The following RTF2 variants were observed in gnomAD, a reference collection of about 807,000 sequenced individuals.
The protein encoded by RTF2 is UPF0549 protein C20orf43.
RTF2 carries 18 observed loss-of-function variants against 38.0 expected under a neutral mutation model. The ratio of observed to expected loss-of-function variants is 0.47; its 90% confidence interval spans 0.33 to 0.70. RTF2 has a LOEUF of 0.70. RTF2 is among the 30% of genes least tolerant of loss of function. The probability of loss-of-function intolerance (pLI) is 0.02; values close to 1 mark genes in which losing one functional copy is unlikely to be tolerated. For missense variants in RTF2, 311 were observed against 379.6 expected, an observed-to-expected ratio of 0.82 and a Z score of 1.50; for synonymous variants, 126 against 137.1, an observed-to-expected ratio of 0.92 and a Z score of 0.57.
At chr20:56,499,097 G>A (rs755613234) in intron 5 of RTF2, among the ~76,000 whole-genome samples, 10 of 152,044 alleles carry the variant, frequency 6.6e-5, no homozygotes, top group Non-Finnish European at 1.2e-4. Context: ...ATGTCAGGCC[G>A]CAGTGTGTTC....
At chr20:56,475,745 G>T (rs1383996689) in intron 3 of RTF2, among the ~76,000 whole-genome samples, 1 of 150,730 alleles carries the variant, frequency 6.6e-6, no homozygotes, top group Non-Finnish European at 1.5e-5. Flanking sequence ...CCCATCTGAT[G>T]AGAAAAAAAA....
At chr20:56,510,808 C>T (rs576859567) in intron 5 of RTF2, among the ~76,000 whole-genome samples, 3 of 152,244 alleles carry the variant, frequency 2.0e-5, no homozygotes, top group Admixed American at 1.3e-4. Context: ...GGCATGGTGG[C>T]GCACACCTAT....
intron 5 of RTF2, among the ~76,000 whole-genome samples, chr20:56,509,334 TG>T (rs1984486186): frequency 1.3e-5 from 2 of 152,018 alleles, no homozygotes; most frequent in Non-Finnish European, 2.9e-5. Context: ...AAAGGAAAAA[TG>T]GGCTGGTTGC....
At chr20:56,505,844 G>A (rs972083211) in intron 5 of RTF2, among the ~76,000 whole-genome samples, 1 of 152,066 alleles carries the variant, frequency 6.6e-6, no homozygotes, top group African/African-American at 2.4e-5. Flanking sequence ...TATACAGATT[G>A]ACTAAAACAT....
At chr20:56,476,009 G>A (rs1321909700) in intron 3 of RTF2, among the ~76,000 whole-genome samples, 1 of 152,198 alleles carries the variant, frequency 6.6e-6, no homozygotes, top group Admixed American at 6.5e-5. Context: ...ATGGTGATTT[G>A]CCTTTCAAGA....
chr20:56,494,017 C>T (rs1983345074), intron 5 of RTF2, among the ~76,000 whole-genome samples: 1 of 152,126 alleles, frequency 6.6e-6, no homozygotes, highest in Admixed American at 6.5e-5. Context: ...CTTACCTGAG[C>T]CTTGGGTTCC....
In RTF2 at chr20:56,494,557, T is replaced by G. The variant is rs140232253; in HGVS notation, c.477+10368T>G. ...AGCTCTTGTTAACCTGTTGTTTACC[T>G]GTCACCTTTCTACCATGTGAATGGA... On this transcript the variant is annotated intron_variant, in intron 5 of 8. Coordinates refer to ENST00000357348, the MANE Select transcript of RTF2 (RefSeq NM_016407.5). 4.0e-3 allele frequency among the ~76,000 whole-genome samples: 613 copies of G among 152,322 alleles called. 4 individuals are homozygous for G. Among genetic ancestry groups the G allele is most frequent in the African/African-American group, 0.014 (580 of 41,562 alleles).
chr20:56,518,442 G>C lies in RTF2; in HGVS notation c.*177G>C, dbSNP rs940093908. The C allele has an allele frequency of 1.7e-6, 1 of 578,308 alleles. No homozygotes were observed. The highest frequency in any genetic ancestry group is 3.5e-5 in the Admixed American group (1 of 28,374). The allele number at this position is 578,308 out of a possible 1,614,324, so 35.8% of individuals were successfully genotyped here. ...CTTGATGTGAGGCGTGTCGGTTCCA[G>C]GGGGGACATGGGAGGGGCTGCACAG... On this transcript the variant is annotated 3_prime_UTR_variant, in exon 9 of 9. Coordinates refer to ENST00000357348, the MANE Select transcript of RTF2 (RefSeq NM_016407.5).
chr20:56,497,312 G>A (rs751147978), intron 5 of RTF2: 3 of 1,550,664 alleles, frequency 1.9e-6, no homozygotes, highest in East Asian at 2.4e-5. Flanking sequence ...ACAGGGGTCT[G>A]GTTATGAAAT....
At chr20:56,483,074 G>A (rs1457332613) in intron 4 of RTF2, among the ~76,000 whole-genome samples, 3 of 152,168 alleles carry the variant, frequency 2.0e-5, no homozygotes, top group African/African-American at 7.2e-5. Flanking sequence ...CCGTTTGGGT[G>A]TTTATAATTT....
chr20:56,509,106 G>A (rs1984469323), intron 5 of RTF2, among the ~76,000 whole-genome samples: 1 of 152,150 alleles, frequency 6.6e-6, no homozygotes, highest in Admixed American at 6.5e-5. Flanking sequence ...CTTATATCCA[G>A]AATATGCTGT....
intron 5 of RTF2, among the ~76,000 whole-genome samples, chr20:56,506,202 C>T (rs1218370695): frequency 1.3e-5 from 2 of 152,142 alleles, no homozygotes; most frequent in Non-Finnish European, 2.9e-5. Flanking sequence ...CTCCTCCCGC[C>T]ATGGAACATG....
intron 5 of RTF2, among the ~76,000 whole-genome samples, chr20:56,508,220 T>G (rs1023590197): frequency 4.6e-5 from 7 of 152,222 alleles, no homozygotes; most frequent in African/African-American, 1.7e-4. Flanking sequence ...AGGCAGGGGC[T>G]GAGGAGAGTC....
intron 5 of RTF2, among the ~76,000 whole-genome samples, chr20:56,506,587 G>A (rs1462717018): frequency 6.6e-6 from 1 of 151,984 alleles, no homozygotes; most frequent in Non-Finnish European, 1.5e-5. Flanking sequence ...GCATCCAGAG[G>A]GCATATGAAT....
At chr20:56,508,645 A>G (rs1286433730) in intron 5 of RTF2, among the ~76,000 whole-genome samples, 1 of 152,206 alleles carries the variant, frequency 6.6e-6, no homozygotes, top group Non-Finnish European at 1.5e-5. Flanking sequence ...ACACTAATCA[A>G]GATAGTGTGG....
In RTF2 at chr20:56,508,357, G is replaced by A. The variant is rs138073643; in HGVS notation, c.478-4958G>A. On this transcript the variant is annotated intron_variant, in intron 5 of 8. Coordinates refer to ENST00000357348, the MANE Select transcript of RTF2 (RefSeq NM_016407.5). ...TAATGTTTTCTACAAAAGAGATTCC[G>A]GGCATAGTATGTCTGTTATTGCTCT... 2.6e-5 allele frequency among the ~76,000 whole-genome samples: 4 copies of A among 152,226 alleles called. No individual in the cohort carries two copies. The South Asian group carries it at 6.2e-4, about 24-fold the overall frequency.
chr20:56,483,749 G>T (rs567334710), intron 4 of RTF2, among the ~76,000 whole-genome samples: 17 of 152,300 alleles, frequency 1.1e-4, no homozygotes, highest in African/African-American at 4.1e-4. Context: ...TGTACGAACT[G>T]CATGTTAGTC....
intron 6 of RTF2, chr20:56,513,951 A>AGGCCTGGGTG (rs200053912): frequency 0.011 from 1,733 of 155,782 alleles, 28 homozygotes; most frequent in African/African-American, 0.04. Context: ...GGGCTCCAGC[A>AGGCCTGGGTG]GGCCTGGGTG....
At chr20:56,508,718 T>A (rs368441402) in intron 5 of RTF2, among the ~76,000 whole-genome samples, 33 of 152,320 alleles carry the variant, frequency 2.2e-4, no homozygotes, top group African/African-American at 7.7e-4. Context: ...AAATAAACCC[T>A]CACATGTATG....
Sources: gnomAD v4.1 joint callset for allele counts (sites outside exome capture counted in the v4.1 genomes callset) on GRCh38, gnomAD v4.1.1 for gene constraint, MANE v1.5 for transcripts, NCBI Gene and HGNC (gene_info 2026-07-23, HGNC 2026-07-21) for gene names.